Variants in GALNT13 observed in about 807,000 individuals in gnomAD.
GALNT13 encodes the protein polypeptide N-acetylgalactosaminyltransferase 13.
Under a neutral mutation model 64.2 loss-of-function variants are expected in GALNT13, and 28 were observed. The observed-to-expected ratio is 0.44, with a 90% confidence interval of 0.32 to 0.60. The LOEUF (loss-of-function observed/expected upper bound fraction) is 0.60, where lower values mean the gene tolerates loss of function less well. Among genes scored for constraint, GALNT13 ranks in the 20% least tolerant of loss-of-function variants. The pLI is 0.05. For synonymous variants in GALNT13, 214 were observed against 224.6 expected, an observed-to-expected ratio of 0.95 and a Z score of 0.42; for missense variants, 577 against 669.8, an observed-to-expected ratio of 0.86 and a Z score of 1.53.
intron 8 of GALNT13, among the ~76,000 whole-genome samples, chr2:154,272,892 TA>T (rs528696030): frequency 9.4e-4 from 143 of 152,230 alleles, no homozygotes; most frequent in African/African-American, 3.0e-3. Flanking sequence ...AAATAACTTG[TA>T]AAAAAATAGC....
chr2:153,956,066 C>A (rs545763455), intron 3 of GALNT13, among the ~76,000 whole-genome samples: 2 of 152,304 alleles, frequency 1.3e-5, no homozygotes, highest in African/African-American at 4.8e-5. Context: ...CACCTGCCAG[C>A]CTCAAAACCC....
rs891794367 is a variant in GALNT13 at position 154,453,124 on chromosome 2, C to A, written c.*2573C>A. On this transcript the variant is annotated 3_prime_UTR_variant, in exon 13 of 13. Transcript: ENST00000392825. The stretch of plus-strand genomic sequence containing the variant: ...ATCCACTAGGTGTCACTACCTCTAA[C>A]CTTTTTAATCGCAATATGCTTATTA... The A allele has an allele frequency of 9.2e-5, 14 of 152,156 alleles. No individual in the cohort carries two copies. The highest frequency in any genetic ancestry group is 9.2e-4 in the Admixed American group (14 of 15,252). 9.4% of individuals were successfully genotyped at this position (152,156 alleles called of 1,614,324 possible).
At chr2:153,734,020 T>C in the GALNT13 span, among the ~76,000 whole-genome samples, 1 of 152,150 alleles carries the variant, frequency 6.6e-6, no homozygotes, top group Admixed American at 6.6e-5. Context: ...CTTAGAAACA[T>C]TGGTACAGTT....
chr2:154,285,908 C>G (rs541756504), intron 8 of GALNT13, among the ~76,000 whole-genome samples: 2 of 152,228 alleles, frequency 1.3e-5, no homozygotes, highest in African/African-American at 4.8e-5. Context: ...ATAAACACAT[C>G]TTTCACCTCC....
At chr2:153,537,085 A>T in the GALNT13 span, among the ~76,000 whole-genome samples, 1 of 152,338 alleles carries the variant, frequency 6.6e-6, no homozygotes, top group African/African-American at 2.4e-5. Flanking sequence ...GGGGTGGAAC[A>T]GTCCAGCAAG....
At chr2:154,207,832 G>T (rs571723648) in intron 4 of GALNT13, among the ~76,000 whole-genome samples, 1 of 152,222 alleles carries the variant, frequency 6.6e-6, no homozygotes, top group East Asian at 1.9e-4. Context: ...ACTGTCTCCT[G>T]AGGAGTCATT....
At chr2:154,016,442 G>C (rs994741626) in intron 3 of GALNT13, among the ~76,000 whole-genome samples, 1 of 152,122 alleles carries the variant, frequency 6.6e-6, no homozygotes, top group Admixed American at 6.5e-5. Flanking sequence ...GTTTTTGACA[G>C]AGTCTCGCTC....
At chr2:153,170,826 C>T in the GALNT13 span, among the ~76,000 whole-genome samples, 1 of 152,180 alleles carries the variant, frequency 6.6e-6, no homozygotes, top group Admixed American at 6.5e-5. Flanking sequence ...TTCTCATTTG[C>T]ATCTCCATGT....
intron 4 of GALNT13, among the ~76,000 whole-genome samples, chr2:154,235,216 C>T (rs570323606): frequency 9.2e-5 from 14 of 152,176 alleles, no homozygotes; most frequent in African/African-American, 1.4e-4. Flanking sequence ...AAGATGAGTA[C>T]GGCATCTCCC....
intron 11 of GALNT13, among the ~76,000 whole-genome samples, chr2:154,433,050 C>T (rs1363911125): frequency 6.6e-6 from 1 of 152,130 alleles, no homozygotes; most frequent in Non-Finnish European, 1.5e-5. Context: ...CACACAGATC[C>T]CTACAATCTT....
chr2:154,208,172 A>T (rs1434184961), intron 4 of GALNT13, among the ~76,000 whole-genome samples: 1 of 152,202 alleles, frequency 6.6e-6, no homozygotes, highest in East Asian at 1.9e-4. Flanking sequence ...AGAGCAAGAA[A>T]AATATCATAT....
At chr2:154,032,307 A>G (rs1399223043) in intron 3 of GALNT13, among the ~76,000 whole-genome samples, 2 of 152,192 alleles carry the variant, frequency 1.3e-5, no homozygotes, top group South Asian at 2.1e-4. Context: ...CTTAATGAAG[A>G]AGCCTGTAGG....
intron 7 of GALNT13, among the ~76,000 whole-genome samples, chr2:154,246,817 A>G (rs947684654): frequency 6.6e-6 from 1 of 152,064 alleles, no homozygotes; most frequent in African/African-American, 2.4e-5. Context: ...TGGAAACTGC[A>G]ACTTTAAACA....
At chr2:154,323,582 T>C (rs1469805200) in intron 9 of GALNT13, among the ~76,000 whole-genome samples, 1 of 152,126 alleles carries the variant, frequency 6.6e-6, no homozygotes, top group African/African-American at 2.4e-5. Context: ...ATCTTACTAC[T>C]CTTCTTTTTA....
At chr2:153,198,628 C>A in the GALNT13 span, among the ~76,000 whole-genome samples, 2 of 152,174 alleles carry the variant, frequency 1.3e-5, no homozygotes, top group African/African-American at 2.4e-5. Context: ...TTTGTTATTT[C>A]TTTGCAAATT....
At chr2:154,073,866 A>T (rs1039624705) in intron 3 of GALNT13, among the ~76,000 whole-genome samples, 1 of 151,922 alleles carries the variant, frequency 6.6e-6, no homozygotes, top group East Asian at 1.9e-4. Context: ...AAATAACATA[A>T]CAAAAACAAC....
the GALNT13 span, among the ~76,000 whole-genome samples, chr2:153,823,810 T>C: frequency 6.6e-6 from 1 of 152,134 alleles, no homozygotes; most frequent in African/African-American, 2.4e-5. Context: ...ACCAAATAAA[T>C]CATCAACAGA....
At chr2:153,628,350 C>T in the GALNT13 span, among the ~76,000 whole-genome samples, 12 of 151,976 alleles carry the variant, frequency 7.9e-5, no homozygotes, top group African/African-American at 2.4e-5. Flanking sequence ...CTTCTCCTGC[C>T]GAATTGCCCT....
At chr2:153,156,806 G>A in the GALNT13 span, among the ~76,000 whole-genome samples, 3 of 152,118 alleles carry the variant, frequency 2.0e-5, no homozygotes, top group East Asian at 5.8e-4. Context: ...AGAGCTTTTT[G>A]TTTTCTTTCT....
Sources: allele counts gnomAD v4.1 joint callset (sites outside exome capture counted in the v4.1 genomes callset), GRCh38; gene constraint gnomAD v4.1.1; transcripts MANE v1.5; gene names NCBI Gene and HGNC (gene_info 2026-07-23, HGNC 2026-07-21).